The following MGAM variants were observed in gnomAD, a reference collection of about 807,000 sequenced individuals.
MGAM encodes alpha-1,4-glucosidase.
A neutral mutation model predicts 358.8 loss-of-function variants in MGAM; 253 were observed. The observed-to-expected ratio is 0.71, with a 90% CI of 0.64 to 0.78. MGAM has a LOEUF of 0.78. MGAM is among the 30% of genes least tolerant of loss of function. MGAM has a pLI of 0.00. For missense variants in MGAM, 3,080 were observed against 3,432.6 expected (o/e 0.90, Z 2.57); for synonymous variants, 1,105 against 1,227.1 (o/e 0.90, Z 2.08).
intron 3 of MGAM, among the ~76,000 whole-genome samples, chr7:142,014,280 A>T (rs1188257826): frequency 1.3e-5 from 2 of 152,156 alleles, no homozygotes; most frequent in Non-Finnish European, 2.9e-5. Flanking sequence ...CAAAATATGG[A>T]ATGTTTTCAG....
Position 142,034,812 on chromosome 7 carries a change from CT to C in MGAM, c.1932del (p.Glu645SerfsTer62). On this transcript the variant is annotated frameshift_variant, in exon 16 of 71. Coordinates refer to ENST00000475668, the MANE Select transcript of MGAM (RefSeq NM_001365693.1). LOFTEE classifies it high-confidence loss of function. Reference protein sequence around the residue: ...DDLRWSIPGVLEFNLFGIPMV... With the variant: ...DDLRWSIPGVXEFNLFGIPMV... Reference sequence around the variant, plus strand: ...CCTGAGATGGTCCATCCCTGGCGTGCTTGAGTTCAACCTTTTTGGCATCCCA... The same window carrying C: ...CCTGAGATGGTCCATCCCTGGCGTGCTGAGTTCAACCTTTTTGGCATCCCA... The C allele has an allele frequency of 4.3e-6, 7 of 1,612,862 alleles. No individual in the cohort carries two copies. Among genetic ancestry groups the C allele is most frequent in the Non-Finnish European group, 5.9e-6 (7 of 1,179,178 alleles).
At chr7:142,041,895 A>AT (rs1554468734) in intron 21 of MGAM, among the ~76,000 whole-genome samples, 4 of 39,682 alleles carry the variant, frequency 1.0e-4, no homozygotes, top group African/African-American at 4.3e-4. Flanking sequence ...TATAATATAT[A>AT]ATATATATAT....
At chr7:142,047,226 G>T (rs1810482498) in intron 21 of MGAM, among the ~76,000 whole-genome samples, 2 of 152,066 alleles carry the variant, frequency 1.3e-5, no homozygotes, top group Non-Finnish European at 2.9e-5. Flanking sequence ...GTAATGTTTT[G>T]TGTTTCTTAT....
At chr7:142,008,880 C>CT (rs1228240453) in intron 3 of MGAM, among the ~76,000 whole-genome samples, 175 bp downstream of exon 3, 1 of 152,168 alleles carries the variant, frequency 6.6e-6, no homozygotes, top group Admixed American at 6.6e-5. Flanking sequence ...GACAGTGCAG[C>CT]TTCAGGAAAG....
chr7:141,993,550 C>A (rs543818324), upstream of MGAM, among the ~76,000 whole-genome samples: 5 of 152,220 alleles, frequency 3.3e-5, no homozygotes, highest in Non-Finnish European at 7.3e-5. Flanking sequence ...GAGCGGGGAA[C>A]TCTGCCCCAC....
chr7:142,069,701 GC>G (rs1813169631), intron 43 of MGAM, among the ~76,000 whole-genome samples: 1 of 145,476 alleles, frequency 6.9e-6, no homozygotes, highest in South Asian at 2.2e-4. Flanking sequence ...GTCTGGATCT[GC>G]CCTTAGGGTG....
chr7:142,045,659 C>A (rs1162681979), intron 21 of MGAM, among the ~76,000 whole-genome samples: 1 of 95,466 alleles, frequency 1.0e-5, no homozygotes, highest in Non-Finnish European at 1.9e-5. Context: ...TATATACATA[C>A]AATATATGAA....
At position 142,082,558 on chromosome 7, in the gene MGAM, C is replaced by G. The variant is rs768378025; in HGVS notation, c.6255C>G (p.Asn2085Lys). The change falls in exon 52 of 71, where the codon AAC (asparagine) becomes AAG (lysine). Residue 2085 changes from asparagine (N) to lysine (K), a missense_variant. Physicochemically the swap from Asn to Lys is moderately conservative, Grantham distance 94. This residue lies in a region of MGAM where 932 missense variants were observed against 1,198.2 expected (regional missense o/e 0.78). Coordinates refer to ENST00000475668, the MANE Select transcript of MGAM (RefSeq NM_001365693.1). ...GTGCCCATGGAGTGCTCCTGCTGAACAGCAATGCCATGGGTAAGGCCATCC... is the reference window on the plus strand; with the variant it reads ...GTGCCCATGGAGTGCTCCTGCTGAAGAGCAATGCCATGGGTAAGGCCATCC... ...DGSAHGVLLL[N>K]SNAMDVTFQP... is the part of the protein sequence containing the mutation. The G allele has an allele frequency of 1.3e-6, 2 of 1,520,998 alleles. No individual in the cohort carries two copies. Among genetic ancestry groups the G allele is most frequent in the South Asian group, 1.2e-5 (1 of 84,756 alleles). 94.2% of individuals were successfully genotyped at this position (1,520,998 alleles called of 1,614,324 possible). A position where few individuals can be genotyped will look rare whatever the true frequency, so the allele number is the denominator to read the frequency against.
chr7:142,102,765 G>A, intron 69 of MGAM, 86 bp downstream of exon 69: 2 of 1,272,536 alleles, frequency 1.6e-6, no homozygotes, highest in Non-Finnish European at 2.2e-6. Context: ...ATACCACCTA[G>A]AATTTCTTCA....
rs186638004 is a variant in MGAM, at chr7:141,989,564, T to C, written c.-2-15965T>C. Among the ~76,000 whole-genome samples, 91 of 151,788 alleles carry C rather than the reference T, an allele frequency of 6.0e-4. 1 individual carries two copies. The highest frequency in any genetic ancestry group is 2.0e-3 in the African/African-American group (81 of 41,410). Reference sequence around the variant, plus strand: ...ATGTTCTTCTTTCTTTTTTTTTTTTTCGATTATTAGAGACAGGGTCTTGCT... The same window carrying C: ...ATGTTCTTCTTTCTTTTTTTTTTTTCCGATTATTAGAGACAGGGTCTTGCT... On this transcript the variant is annotated intron_variant, in intron 2 of 5. Transcript: ENST00000465654.
chr7:142,014,876 T>TA (rs1162982640), intron 3 of MGAM, among the ~76,000 whole-genome samples: 2 of 152,070 alleles, frequency 1.3e-5, no homozygotes, highest in Non-Finnish European at 1.5e-5. Flanking sequence ...CATTCTACAG[T>TA]AAAAAAAGTT....
At chr7:142,027,353 A>C in intron 9 of MGAM, 126 bp downstream of exon 9, 1 of 829,098 alleles carries the variant, frequency 1.2e-6, no homozygotes, top group South Asian at 1.7e-5. Flanking sequence ...ATTAAAGAAC[A>C]GATTTCATAT....
intron 7 of MGAM, among the ~76,000 whole-genome samples, chr7:142,023,556 A>G (rs1212750818): frequency 6.6e-6 from 1 of 152,140 alleles, no homozygotes; most frequent in Non-Finnish European, 1.5e-5. Flanking sequence ...AAGCCAAATT[A>G]ATAGCTCAAG....
At chr7:142,036,767 G>A (rs1207639835) in intron 17 of MGAM, 56 bp from the exon 18 acceptor site, 3 of 1,546,942 alleles carry the variant, frequency 1.9e-6, no homozygotes, top group Non-Finnish European at 2.6e-6. Context: ...GAATTCTGCA[G>A]GTGCTTCTGC....
At chr7:142,003,975 T>G (rs782703993) in intron 1 of MGAM, among the ~76,000 whole-genome samples, 2 of 151,788 alleles carry the variant, frequency 1.3e-5, no homozygotes, top group Admixed American at 6.6e-5. Flanking sequence ...AAATGCAAAT[T>G]AAAACCACAA....
At chr7:142,041,949 CATATATATAATATATATATATT>C (rs1808708121) in intron 21 of MGAM, among the ~76,000 whole-genome samples, 2 of 11,064 alleles carry the variant, frequency 1.8e-4, no homozygotes, top group Admixed American at 2.1e-3. Context: ...TATATATATA[CATATATATAATATATATATATT>C]ATATATATAT....
chr7:142,080,878 T>C lies in MGAM; in HGVS notation c.5935T>C (p.Tyr1979His), dbSNP rs754375242. 55 of 1,556,740 alleles carry C rather than the reference T, an allele frequency of 3.5e-5. 13 individuals are homozygous for C. The South Asian group carries it at 5.7e-4, about 16-fold the overall frequency. ...ATCCAGCACCCCTGAGGGTCAACTC[T>C]ATGATGTCCTCATTAAGAAGAATCC... ...VPSSTPEGQL[Y>H]DVLIKKNPFG... The change falls in exon 50 of 71, where the codon TAT becomes CAT. Residue 1979 changes from tyrosine (Y) to histidine (H), a missense_variant. Around this residue, in one of 5 missense-constraint regions of MGAM, gnomAD observed 932 missense variants for 1,198.2 expected, o/e 0.78. Transcript: ENST00000475668.
Position 142,068,642 on chromosome 7 carries a change from T to C in MGAM, c.5005-5T>C, listed in dbSNP as rs149730411. 3.3e-6 allele frequency: 5 copies of C among 1,534,112 alleles called. No individual in the cohort carries two copies. The East Asian group carries it at 1.1e-4, about 35-fold the overall frequency. On this transcript the variant is annotated splice_region_variant and splice_polypyrimidine_tract_variant and intron_variant, in intron 42 of 70. Coordinates refer to ENST00000475668, the MANE Select transcript of MGAM (RefSeq NM_001365693.1). ...CTGCCTCACCTTGTTTGTGTTTCAT[T>C]TTAGAATGCCAGAAATGTCACTGCA...
chr7:141,994,374 T>C (rs1461948326), upstream of MGAM, among the ~76,000 whole-genome samples: 4 of 152,196 alleles, frequency 2.6e-5, no homozygotes, highest in Non-Finnish European at 4.4e-5. Context: ...CTAAGGTTTG[T>C]AAAGGGTACT....
Sources: allele counts gnomAD v4.1 joint callset (sites outside exome capture counted in the v4.1 genomes callset), GRCh38; gene constraint gnomAD v4.1.1; regional missense constraint gnomAD v4.1.1; transcripts MANE v1.5; gene names NCBI Gene and HGNC (gene_info 2026-07-23, HGNC 2026-07-21).